GIPR: variants seen among roughly 807,000 people sequenced by gnomAD.
GIPR encodes gastric inhibitory polypeptide receptor, also known as GIP-R.
Under a neutral mutation model 62.2 loss-of-function variants are expected in GIPR, and 74 were observed. The observed-to-expected ratio is 1.19, with a 90% confidence interval of 0.99 to 1.44. The LOEUF is 1.44. Among genes scored for constraint, GIPR ranks in the 40% most tolerant of loss-of-function variants. GIPR has a pLI of 0.00. For synonymous variants in GIPR, 256 were observed against 262.2 expected (o/e 0.98, Z 0.23); for missense variants, 664 against 611.8 (o/e 1.09, Z -0.90).
chr19:45,669,542 C>T lies in GIPR; in HGVS notation c.22C>T (p.Gln8Ter). The T allele has an allele frequency of 6.3e-7, 1 of 1,580,846 alleles. No individual in the cohort carries two copies. Among genetic ancestry groups the T allele is most frequent in the Non-Finnish European group, 8.6e-7 (1 of 1,166,344 alleles). ...CACGATGACTACCTCTCCGATCCTGCAGCTGCTGCTGCGGCTCTCACTGTG... is the reference window on the plus strand; with the variant it reads ...CACGATGACTACCTCTCCGATCCTGTAGCTGCTGCTGCGGCTCTCACTGTG... MTTSPIL[Q>*]LLLRLSLCGL... Residue 8 changes from glutamine (Q) to a stop codon, truncating the protein, a stop_gained, in exon 2 of 14, where the codon CAG (glutamine) becomes TAG (stop). Transcript: ENST00000590918. LOFTEE classifies it high-confidence loss of function.
intron 12 of GIPR, among the ~76,000 whole-genome samples, chr19:45,679,412 G>A (rs759381394): frequency 7.9e-5 from 12 of 151,304 alleles, no homozygotes; most frequent in Non-Finnish European, 1.6e-4. Flanking sequence ...AACCCGGGAG[G>A]TGGAGGTTGC....
At chr19:45,671,154 A>G (rs1233287693) in intron 3 of GIPR, 131 bp from the exon 4 acceptor site, 4 of 715,256 alleles carry the variant, frequency 5.6e-6, no homozygotes, top group Non-Finnish European at 1.0e-5. Flanking sequence ...GCGGGGCTAG[A>G]GCCGGGCTTG....
chr19:45,676,901 C>T (rs1966957016), intron 7 of GIPR, 48 bp from the exon 8 acceptor site: 4 of 1,580,356 alleles, frequency 2.5e-6, no homozygotes, highest in Non-Finnish European at 3.5e-6. Context: ...GACTGGGAGA[C>T]ACCCGGGCAG....
rs13306396 is a variant in GIPR at position 45,672,718 on chromosome 19, TATCATCATC to T, written c.281-110_281-102del. On this transcript the variant is annotated intron_variant, in intron 4 of 13. Transcript: ENST00000590918. ...ACAAATAACATGCCATATAAGGGTT[TATCATCATC>T]ATCATCATCATCATCATCATCACCA... 4.4e-4 allele frequency: 307 copies of T among 696,410 alleles called. 3 individuals are homozygous for T. Among genetic ancestry groups the T allele is most frequent in the South Asian group, 2.9e-3 (189 of 65,804 alleles). 43.1% of individuals were successfully genotyped at this position (696,410 alleles called of 1,614,324 possible).
intron 9 of GIPR, 29 bp from the exon 10 acceptor site, chr19:45,677,681 A>G (rs1328059071): frequency 5.0e-6 from 8 of 1,584,548 alleles, no homozygotes; most frequent in South Asian, 4.4e-5. Context: ...GAGTTTTTCT[A>G]TCTCTTAGCT....
chr19:45,677,261 G>A (rs969569416), intron 8 of GIPR, 62 bp from the exon 9 acceptor site: 4 of 1,397,236 alleles, frequency 2.9e-6, no homozygotes, highest in Admixed American at 2.0e-5. Context: ...TGGGCCTGGC[G>A]GGGCCCGTGA....
At chr19:45,672,281 G>A (rs986320990) in intron 4 of GIPR, among the ~76,000 whole-genome samples, 5 of 151,884 alleles carry the variant, frequency 3.3e-5, no homozygotes, top group African/African-American at 1.2e-4. Flanking sequence ...CTCCCAAAGC[G>A]CTGGGATTAC....
In GIPR at chr19:45,681,870, T is replaced by C; in HGVS notation, c.1336T>C (p.Leu446=). The C allele has an allele frequency of 2.6e-6, 4 of 1,555,080 alleles. No individual in the cohort carries two copies. Among genetic ancestry groups the C allele is most frequent in the Non-Finnish European group, 3.5e-6 (4 of 1,148,864 alleles). Residue 446 remains leucine (L), a synonymous_variant, in exon 14 of 14, where the codon TTG becomes CTG. Transcript: ENST00000590918. ...GGGCGAGGTCCCCACCAGCCGCGGCTTGTCCTCGGGGACCCTCCCAGGGCC... is the reference window on the plus strand; with the variant it reads ...GGGCGAGGTCCCCACCAGCCGCGGCCTGTCCTCGGGGACCCTCCCAGGGCC... ...GPGEVPTSRG[L]SSGTLPGPGN...
chr19:45,672,313 T>G (rs976047712), intron 4 of GIPR, among the ~76,000 whole-genome samples: 18 of 151,890 alleles, frequency 1.2e-4, no homozygotes, highest in African/African-American at 4.3e-4. Flanking sequence ...ACTTTTGTTG[T>G]TTTTGTTGTT....
At chr19:45,675,858 T>C (rs994527195) in intron 7 of GIPR, among the ~76,000 whole-genome samples, 3 of 151,652 alleles carry the variant, frequency 2.0e-5, no homozygotes, top group Non-Finnish European at 4.4e-5. Flanking sequence ...ATAGTGCCAG[T>C]GCAATCTGGC....
In GIPR at chr19:45,677,760, C is replaced by T. The variant is rs773245641; in HGVS notation, c.905C>T (p.Pro302Leu). 4.3e-6 allele frequency: 7 copies of T among 1,613,392 alleles called. No homozygotes were observed. In the South Asian group the frequency reaches 7.7e-5, roughly 18 times the overall value. ...VKAIWWIIRT[P>L]ILMTILINFL... Reference sequence around the variant, plus strand: ...GCCATTTGGTGGATTATACGGACCCCCATCCTCATGACCATCTTGGTAGGA... The same window carrying T: ...GCCATTTGGTGGATTATACGGACCCTCATCCTCATGACCATCTTGGTAGGA... Residue 302 changes from proline (P) to leucine (L), a missense_variant, in exon 10 of 14, where the codon CCC (proline) becomes CTC (leucine). By Grantham distance (98) the Pro-to-Leu change is moderately conservative (BLOSUM62 -3). Coordinates refer to ENST00000590918, the MANE Select transcript of GIPR (RefSeq NM_000164.4).
chr19:45,674,308 G>C, intron 6 of GIPR, 131 bp downstream of exon 6: 1 of 748,862 alleles, frequency 1.3e-6, no homozygotes, highest in Non-Finnish European at 2.4e-6. Flanking sequence ...AGTGGGGGTG[G>C]TTAAAGGAGC....
rs1226313231 is a variant in GIPR, at chr19:45,674,134, C to CT, written c.446dup (p.Ala150ArgfsTer20). Reference sequence around the variant, plus strand: ...GTACACTGTCGGCTACTCCCTGTCTCTCGCCACACTGCTGCTAGCCCTGCT... The same window carrying CT: ...GTACACTGTCGGCTACTCCCTGTCTCTTCGCCACACTGCTGCTAGCCCTGCT... On this transcript the variant is annotated frameshift_variant, in exon 6 of 14. Transcript: ENST00000590918. LOFTEE classifies it high-confidence loss of function. 1 of 1,613,782 alleles carries CT rather than the reference C, an allele frequency of 6.2e-7. No individual in the cohort carries two copies. The highest frequency in any genetic ancestry group is 1.1e-5 in the South Asian group (1 of 91,072).
chr19:45,677,163 C>T, intron 8 of GIPR, 55 bp downstream of exon 8: 1 of 1,580,646 alleles, frequency 6.3e-7, no homozygotes, highest in East Asian at 2.3e-5. Flanking sequence ...TCGGCTCCCC[C>T]AACTGCCCTG....
At chr19:45,675,049 A>C (rs144598226) in intron 7 of GIPR, 488 of 584,588 alleles carry the variant, frequency 8.3e-4, no homozygotes, top group Non-Finnish European at 1.4e-3. Flanking sequence ...TATCACTCCC[A>C]TACTGGAATT....
In GIPR at chr19:45,681,936, G is replaced by T. The variant is rs565452234; in HGVS notation, c.*1G>T. 2.9e-5 allele frequency: 45 copies of T among 1,557,676 alleles called. No homozygotes were observed. In the East Asian group the frequency reaches 6.1e-4, roughly 21 times the overall value. On this transcript the variant is annotated 3_prime_UTR_variant, in exon 14 of 14. Coordinates refer to ENST00000590918, the MANE Select transcript of GIPR (RefSeq NM_000164.4). ...CCGGGAGTTGGAAAGTTACTGCTAG[G>T]GGGCGGGATCCCCGTGTCTGTTCAG...
At chr19:45,670,549 C>T (rs1975478471) in intron 2 of GIPR, 86 bp from the exon 3 acceptor site, 9 of 871,022 alleles carry the variant, frequency 1.0e-5, no homozygotes, top group Non-Finnish European at 1.5e-5. Context: ...CTCAAAGTCT[C>T]TCTGGGGCGC....
In GIPR at chr19:45,677,036, C is replaced by G. The variant is rs768328822; in HGVS notation, c.721C>G (p.Leu241Val). 8 of 1,613,926 alleles carry G rather than the reference C, an allele frequency of 5.0e-6. No individual in the cohort carries two copies. The East Asian group carries it at 1.8e-4, about 36-fold the overall frequency. ...YTWLLVEGVY[L>V]HSLLVLVGGS... Reference sequence around the variant, plus strand: ...GTGGCTGCTGGTGGAGGGCGTCTACCTGCACAGTCTCCTGGTGCTCGTGGG... The same window carrying G: ...GTGGCTGCTGGTGGAGGGCGTCTACGTGCACAGTCTCCTGGTGCTCGTGGG... The change falls in exon 8 of 14, where the codon CTG (leucine) becomes GTG (valine). Residue 241 changes from leucine (L) to valine (V), a missense_variant. By Grantham distance (32) the Leu-to-Val change is conservative. Coordinates refer to ENST00000590918, the MANE Select transcript of GIPR (RefSeq NM_000164.4).
intron 12 of GIPR, among the ~76,000 whole-genome samples, chr19:45,679,565 T>A (rs1228351815): frequency 6.6e-6 from 1 of 150,568 alleles, no homozygotes; most frequent in African/African-American, 2.4e-5. Context: ...AGAAAAGAGA[T>A]GAGGAGTGTC....
Sources: gnomAD v4.1 joint callset for allele counts (sites outside exome capture counted in the v4.1 genomes callset) on GRCh38, gnomAD v4.1.1 for gene constraint, MANE v1.5 for transcripts, NCBI Gene and HGNC (gene_info 2026-07-23, HGNC 2026-07-21) for gene names.